The following GPC5 variants were observed in gnomAD, a reference collection of about 807,000 sequenced individuals.
GPC5 encodes glypican-5.
A neutral mutation model predicts 53.9 loss-of-function variants in GPC5; 47 were observed. The ratio of observed to expected loss-of-function variants is 0.87; its 90% CI spans 0.69 to 1.11. The LOEUF (loss-of-function observed/expected upper bound fraction) is 1.11, where lower values mean the gene tolerates loss of function less well. Among genes scored for constraint, GPC5 ranks in the 50% most tolerant of loss-of-function variants. The probability of loss-of-function intolerance (pLI) is 0.00; values close to 1 mark genes in which losing one functional copy is unlikely to be tolerated. For missense variants in GPC5, 748 were observed against 713.1 expected (o/e 1.05, Z -0.56); for synonymous variants, 286 against 263.3 (o/e 1.09, Z -0.84).
At chr13:92,499,756 T>C (rs1179925969) in intron 7 of GPC5, among the ~76,000 whole-genome samples, 1 of 152,138 alleles carries the variant, frequency 6.6e-6, no homozygotes, top group Admixed American at 6.6e-5. Context: ...TAGGGAAATA[T>C]TCTAGTTTGG....
At chr13:92,621,091 C>A (rs116335081) in intron 7 of GPC5, among the ~76,000 whole-genome samples, 3,207 of 152,102 alleles carry the variant, frequency 0.021, 88 homozygotes, top group African/African-American at 0.061. Flanking sequence ...TCTCTTGCCT[C>A]TTCTTAAGTC....
At chr13:92,756,653 G>A (rs1340273738) in intron 7 of GPC5, among the ~76,000 whole-genome samples, 2 of 141,000 alleles carry the variant, frequency 1.4e-5, no homozygotes, top group Admixed American at 7.3e-5. Context: ...CAAAATCAAT[G>A]TACAAAAATC....
At chr13:91,595,025 T>C (rs1192233099) in intron 2 of GPC5, among the ~76,000 whole-genome samples, 11 of 132,946 alleles carry the variant, frequency 8.3e-5, no homozygotes, top group Admixed American at 6.1e-4. Flanking sequence ...TTTATTTATT[T>C]ATTTATTTAT....
intron 7 of GPC5, among the ~76,000 whole-genome samples, chr13:92,271,778 G>A (rs1263648859): frequency 6.6e-6 from 1 of 152,144 alleles, no homozygotes; most frequent in Non-Finnish European, 1.5e-5. Flanking sequence ...CTTAGTGTAT[G>A]TGACTAGGTA....
chr13:92,541,752 C>A (rs944505434), intron 7 of GPC5, among the ~76,000 whole-genome samples: 2 of 151,766 alleles, frequency 1.3e-5, no homozygotes, highest in African/African-American at 4.8e-5. Flanking sequence ...TTTGTTTTTA[C>A]TTTGCGCATG....
intron 7 of GPC5, among the ~76,000 whole-genome samples, chr13:92,536,354 A>C (rs148376026): frequency 1.9e-4 from 29 of 152,312 alleles, no homozygotes; most frequent in Non-Finnish European, 2.8e-4. Flanking sequence ...AGAAGAACCC[A>C]ATGTTAATTC....
chr13:92,400,710 A>C (rs375210157), intron 7 of GPC5, among the ~76,000 whole-genome samples: 1 of 152,218 alleles, frequency 6.6e-6, no homozygotes, highest in East Asian at 1.9e-4. Context: ...ATTGTCTTAC[A>C]TCACAATTGT....
intron 2 of GPC5, among the ~76,000 whole-genome samples, chr13:91,550,918 A>G (rs2030600809): frequency 6.6e-6 from 1 of 152,126 alleles, no homozygotes; most frequent in Non-Finnish European, 1.5e-5. Flanking sequence ...CTCCTCATTC[A>G]TCTTCAGCCA....
chr13:92,679,755 A>T (rs879596340), intron 7 of GPC5, among the ~76,000 whole-genome samples: 9 of 151,876 alleles, frequency 5.9e-5, no homozygotes, highest in Admixed American at 3.3e-4. Flanking sequence ...TAACTAATGG[A>T]TCTCTTGGCC....
At chr13:91,946,634 C>T (rs566572161) in intron 6 of GPC5, among the ~76,000 whole-genome samples, 2 of 152,138 alleles carry the variant, frequency 1.3e-5, no homozygotes, top group African/African-American at 2.4e-5. Context: ...TTGCATGTTA[C>T]GTGACAGCCC....
intron 5 of GPC5, among the ~76,000 whole-genome samples, chr13:91,906,906 T>C (rs142997027): frequency 1.3e-5 from 2 of 151,672 alleles, no homozygotes; most frequent in Non-Finnish European, 1.5e-5. Context: ...TTGCAGATTT[T>C]AGTTGCTTAA....
At chr13:92,231,563 T>G (rs1370149531) in intron 7 of GPC5, among the ~76,000 whole-genome samples, 1 of 148,664 alleles carries the variant, frequency 6.7e-6, no homozygotes, top group Non-Finnish European at 1.5e-5. Flanking sequence ...TTAAAACTAG[T>G]CGTCATCTCC....
chr13:92,753,730 C>T (rs1467878332), intron 7 of GPC5, among the ~76,000 whole-genome samples: 1 of 150,898 alleles, frequency 6.6e-6, no homozygotes, highest in African/African-American at 2.4e-5. Flanking sequence ...AAGGTATCAG[C>T]AATGGAAGAT....
chr13:92,736,282 G>A (rs1157340460), intron 7 of GPC5, among the ~76,000 whole-genome samples: 1 of 151,960 alleles, frequency 6.6e-6, no homozygotes, highest in Non-Finnish European at 1.5e-5. Context: ...TCTGCTTTGA[G>A]TAGCCACAGT....
At chr13:92,382,024 AC>A (rs1333886070) in intron 7 of GPC5, among the ~76,000 whole-genome samples, 26 of 150,704 alleles carry the variant, frequency 1.7e-4, no homozygotes, top group African/African-American at 6.3e-4. Flanking sequence ...CTGATAGAGT[AC>A]TATGCAGCCA....
intron 7 of GPC5, among the ~76,000 whole-genome samples, chr13:92,815,192 G>T (rs1594525256): frequency 6.6e-6 from 1 of 151,950 alleles, no homozygotes; most frequent in South Asian, 2.1e-4. Flanking sequence ...AGCAGTAACT[G>T]CTATGAAAGC....
chr13:92,465,532 A>C (rs769953528), intron 7 of GPC5, among the ~76,000 whole-genome samples: 73 of 152,062 alleles, frequency 4.8e-4, no homozygotes, highest in Non-Finnish European at 1.3e-4. Flanking sequence ...GTTATCTATT[A>C]TGCTATCTTA....
intron 6 of GPC5, among the ~76,000 whole-genome samples, chr13:92,077,799 G>GA (rs2041264204): frequency 6.6e-6 from 1 of 152,154 alleles, no homozygotes; most frequent in African/African-American, 2.4e-5. Flanking sequence ...AAAGGAAAAT[G>GA]AGCAAGAAGA....
intron 7 of GPC5, among the ~76,000 whole-genome samples, chr13:92,196,191 C>T (rs1427857993): frequency 1.3e-5 from 2 of 151,868 alleles, no homozygotes; most frequent in Non-Finnish European, 2.9e-5. Flanking sequence ...GATATGCTAA[C>T]AATGAAGTAC....
Sources: allele counts gnomAD v4.1 joint callset (sites outside exome capture counted in the v4.1 genomes callset), GRCh38; gene constraint gnomAD v4.1.1; transcripts MANE v1.5; gene names NCBI Gene and HGNC (gene_info 2026-07-23, HGNC 2026-07-21).